The following BTRC variants were observed in gnomAD, a reference collection of about 807,000 sequenced individuals.
BTRC encodes F-box/WD repeat-containing protein 1A.
BTRC carries 42 observed loss-of-function variants against 85.5 expected under a neutral mutation model. That is an observed-to-expected ratio of 0.49 (90% CI 0.38 to 0.64). The LOEUF is 0.64. Among genes scored for constraint, BTRC ranks in the 30% least tolerant of loss-of-function variants. BTRC has a pLI of 0.00. For missense variants in BTRC, 594 were observed against 743.5 expected (o/e 0.80, Z 2.34); for synonymous variants, 255 against 263.3 (o/e 0.97, Z 0.30).
chr10:101,456,640 T>C (rs894979835), intron 2 of BTRC, among the ~76,000 whole-genome samples: 1 of 152,208 alleles, frequency 6.6e-6, no homozygotes, highest in Admixed American at 6.5e-5. Flanking sequence ...AATGCATCCC[T>C]GAGGTCTAAT....
chr10:101,430,301 C>T, intron 1 of BTRC, 44 bp from the exon 2 acceptor site: 1 of 1,376,442 alleles, frequency 7.3e-7, no homozygotes, highest in East Asian at 2.3e-5. Flanking sequence ...TCTGTGCCAT[C>T]CTGTCTCATA....
At chr10:101,540,922 T>C (rs1023516300) in intron 13 of BTRC, among the ~76,000 whole-genome samples, 1 of 152,256 alleles carries the variant, frequency 6.6e-6, no homozygotes, top group African/African-American at 2.4e-5. Flanking sequence ...TTGTAGCTTT[T>C]AGTATAAAGG....
chr10:101,510,938 T>C (rs143308686), intron 4 of BTRC, among the ~76,000 whole-genome samples: 29 of 152,324 alleles, frequency 1.9e-4, no homozygotes, highest in African/African-American at 6.5e-4. Context: ...AGCCTTCTAA[T>C]TGATCTTTCT....
At chr10:101,551,803 G>T (rs545515115) in intron 14 of BTRC, among the ~76,000 whole-genome samples, 1 of 152,162 alleles carries the variant, frequency 6.6e-6, no homozygotes, top group Non-Finnish European at 1.5e-5. Flanking sequence ...CAGCCAGGTC[G>T]CACAGGCTGT....
At chr10:101,388,698 C>T (rs1262057383) in intron 1 of BTRC, among the ~76,000 whole-genome samples, 1 of 152,094 alleles carries the variant, frequency 6.6e-6, no homozygotes, top group Non-Finnish European at 1.5e-5. Context: ...GCCATGTTGC[C>T]TAGGCTAGTC....
intron 4 of BTRC, among the ~76,000 whole-genome samples, chr10:101,503,393 A>G (rs761942081): frequency 6.6e-6 from 1 of 152,200 alleles, no homozygotes; most frequent in Non-Finnish European, 1.5e-5. Flanking sequence ...TGTTCAGCTT[A>G]TATAATAACT....
In BTRC at chr10:101,388,516, GTCTCAT is replaced by G. The variant is rs540398369; in HGVS notation, c.48+34292_48+34297del. On this transcript the variant is annotated intron_variant, in intron 1 of 14. Coordinates refer to ENST00000370187, the MANE Select transcript of BTRC (RefSeq NM_033637.4). ...GTGTTTATTGATTGATTGAGACAGG[GTCTCAT>G]TCTGTTGCCCAGGCTGGAGGGCAGT... 2.2e-3 allele frequency among the ~76,000 whole-genome samples: 324 copies of G among 150,510 alleles called. 3 individuals are homozygous for G. The highest frequency in any genetic ancestry group is 7.4e-3 in the African/African-American group (302 of 40,936).
intron 1 of BTRC, among the ~76,000 whole-genome samples, chr10:101,404,084 T>G (rs1365977359): frequency 7.6e-6 from 1 of 130,752 alleles, no homozygotes; most frequent in Admixed American, 8.8e-5. Context: ...CAGGCTGGAG[T>G]GCAGTGGCGC....
intron 1 of BTRC, among the ~76,000 whole-genome samples, chr10:101,386,359 A>G (rs1943079604): frequency 6.6e-6 from 1 of 152,192 alleles, no homozygotes; most frequent in Non-Finnish European, 1.5e-5. Context: ...CAACATGTTC[A>G]CTTATTTATG....
chr10:101,372,607 G>C (rs1287862541), intron 1 of BTRC, among the ~76,000 whole-genome samples: 1 of 147,502 alleles, frequency 6.8e-6, no homozygotes, highest in Non-Finnish European at 1.5e-5. Context: ...GCTCACACCT[G>C]TAATCCCAGC....
intron 1 of BTRC, among the ~76,000 whole-genome samples, chr10:101,413,163 C>T (rs1431891949): frequency 6.6e-6 from 1 of 151,842 alleles, no homozygotes; most frequent in Non-Finnish European, 1.5e-5. Context: ...CTTGCTCTGT[C>T]GCCCAGGCTA....
chr10:101,520,827 G>A (rs1447125271), intron 4 of BTRC, among the ~76,000 whole-genome samples: 1 of 152,056 alleles, frequency 6.6e-6, no homozygotes, highest in East Asian at 1.9e-4. Context: ...GCGTGGTGGT[G>A]GGCACCTGTA....
Position 101,533,043 on chromosome 10 carries a change from T to C in BTRC, c.1070T>C (p.Ile357Thr). ...LCLQYDERVI[I>T]TGSSDSTVRV... ...CTCCAGTATGATGAGAGAGTGATCA[T>C]AACAGGATCATCGGATTCCACGGTC... The change falls in exon 9 of 15, where the codon ATA (isoleucine) becomes ACA (threonine). Residue 357 changes from isoleucine to threonine, a missense_variant. By Grantham distance (89) the Ile-to-Thr change is moderately conservative. Transcript: ENST00000370187. 6.2e-7 allele frequency: 1 copy of C among 1,612,728 alleles called. No individual in the cohort carries two copies. Among genetic ancestry groups the C allele is most frequent in the Non-Finnish European group, 8.5e-7 (1 of 1,178,946 alleles).
intron 1 of BTRC, among the ~76,000 whole-genome samples, chr10:101,399,141 G>C (rs1943435248): frequency 6.6e-6 from 1 of 152,010 alleles, no homozygotes; most frequent in Non-Finnish European, 1.5e-5. Flanking sequence ...TTTTAGTAGA[G>C]ATGGGGTTTC....
chr10:101,476,152 C>T (rs183688181), intron 3 of BTRC, among the ~76,000 whole-genome samples: 1 of 151,722 alleles, frequency 6.6e-6, no homozygotes, highest in East Asian at 1.9e-4. Flanking sequence ...TCAGACAAAC[C>T]CAACTTGAGG....
intron 3 of BTRC, among the ~76,000 whole-genome samples, chr10:101,476,662 T>C (rs971877234): frequency 6.6e-6 from 1 of 151,944 alleles, no homozygotes; most frequent in Non-Finnish European, 1.5e-5. Context: ...TGGGCTTGTA[T>C]GGAACTCCCG....
intron 1 of BTRC, among the ~76,000 whole-genome samples, chr10:101,427,694 A>G (rs1424852186): frequency 6.6e-6 from 1 of 151,348 alleles, no homozygotes; most frequent in Non-Finnish European, 1.5e-5. Context: ...ATGCCCAGCT[A>G]TTTTTTAAAT....
At chr10:101,416,045 G>A (rs1429443628) in intron 1 of BTRC, among the ~76,000 whole-genome samples, 1 of 152,058 alleles carries the variant, frequency 6.6e-6, no homozygotes, top group East Asian at 1.9e-4. Context: ...TCACACAGCC[G>A]AGAAATCACC....
upstream of BTRC, chr10:101,354,079 G>T (rs41317282): frequency 6.6e-6 from 9 of 1,365,366 alleles, no homozygotes; most frequent in South Asian, 6.3e-5. Context: ...AAGAGAGGGC[G>T]GGGGGAAGGA....
Sources: gnomAD v4.1 joint callset for allele counts (sites outside exome capture counted in the v4.1 genomes callset) on GRCh38, gnomAD v4.1.1 for gene constraint, MANE v1.5 for transcripts, NCBI Gene and HGNC (gene_info 2026-07-23, HGNC 2026-07-21) for gene names.